Variants in GALNT17 observed in about 807,000 individuals in gnomAD.
GALNT17 encodes the protein polypeptide N-acetylgalactosaminyltransferase 17.
In GALNT17, 29 loss-of-function variants were observed where a neutral mutation model predicts 63.7. The ratio of observed to expected loss-of-function variants is 0.46; its 90% CI spans 0.34 to 0.62. GALNT17 has a LOEUF of 0.62. Among genes scored for constraint, GALNT17 ranks in the 20% least tolerant of loss-of-function variants. The probability of loss-of-function intolerance (pLI) is 0.01; values close to 1 mark genes in which losing one functional copy is unlikely to be tolerated. For missense variants in GALNT17, 603 were observed against 799.6 expected, an observed-to-expected ratio of 0.75 and a Z score of 2.97; for synonymous variants, 305 against 318.3, an observed-to-expected ratio of 0.96 and a Z score of 0.45.
chr7:71,326,727 C>G (rs142512981), intron 1 of GALNT17, among the ~76,000 whole-genome samples: 203 of 152,246 alleles, frequency 1.3e-3, no homozygotes, highest in Non-Finnish European at 2.7e-3. Flanking sequence ...TATGAGATGT[C>G]TACTTGCCCC....
intron 6 of GALNT17, among the ~76,000 whole-genome samples, chr7:71,624,392 C>T (rs961296796): frequency 6.6e-6 from 1 of 152,174 alleles, no homozygotes; most frequent in African/African-American, 2.4e-5. Flanking sequence ...GCTGTGAGGC[C>T]GGTGCGTTCA....
intron 2 of GALNT17, among the ~76,000 whole-genome samples, chr7:71,339,318 A>G (rs1485761451): frequency 6.6e-6 from 1 of 152,208 alleles, no homozygotes; most frequent in Non-Finnish European, 1.5e-5. Flanking sequence ...AGAGATTCAC[A>G]CAGCATGTGC....
intron 5 of GALNT17, among the ~76,000 whole-genome samples, chr7:71,562,278 T>G (rs2116856373): frequency 6.6e-6 from 1 of 152,318 alleles, no homozygotes; most frequent in South Asian, 2.1e-4. Flanking sequence ...GTCTCTGGTT[T>G]CTAGCTCCTT....
At chr7:71,384,454 T>G (rs752169695) in intron 2 of GALNT17, among the ~76,000 whole-genome samples, 7 of 152,150 alleles carry the variant, frequency 4.6e-5, no homozygotes, top group Non-Finnish European at 8.8e-5. Flanking sequence ...CAAGGTGGTG[T>G]TCTCTGACTC....
At chr7:71,402,938 C>T (rs560166712) in intron 3 of GALNT17, among the ~76,000 whole-genome samples, 6 of 152,178 alleles carry the variant, frequency 3.9e-5, no homozygotes, top group South Asian at 2.1e-4. Context: ...TGCCTTCCCC[C>T]CTGCCTGTAA....
chr7:71,419,678 G>A (rs2116448319), intron 4 of GALNT17, among the ~76,000 whole-genome samples: 1 of 152,274 alleles, frequency 6.6e-6, no homozygotes, highest in Admixed American at 6.5e-5. Flanking sequence ...TGGTGAGTGA[G>A]GTAGGAGAGA....
At chr7:71,369,067 G>T (rs1195613483) in intron 2 of GALNT17, among the ~76,000 whole-genome samples, 1 of 152,168 alleles carries the variant, frequency 6.6e-6, no homozygotes, top group African/African-American at 2.4e-5. Context: ...GATATCCTGG[G>T]AGGGGAATCA....
chr7:71,472,662 G>T (rs1427808152), intron 5 of GALNT17, among the ~76,000 whole-genome samples: 1 of 152,174 alleles, frequency 6.6e-6, no homozygotes, highest in Non-Finnish European at 1.5e-5. Flanking sequence ...CTCCAGCCTG[G>T]GGACAGAGTG....
At chr7:71,484,407 G>A (rs1178314775) in intron 5 of GALNT17, among the ~76,000 whole-genome samples, 1 of 152,138 alleles carries the variant, frequency 6.6e-6, no homozygotes, top group Non-Finnish European at 1.5e-5. Flanking sequence ...AGAATGGCTT[G>A]AACTCAGGAG....
intron 3 of GALNT17, among the ~76,000 whole-genome samples, chr7:71,397,885 G>A (rs752710419): frequency 1.4e-4 from 22 of 152,324 alleles, no homozygotes; most frequent in African/African-American, 4.6e-4. Flanking sequence ...TGATGGTGTC[G>A]TTGAGTTAGA....
At chr7:71,662,046 T>C (rs942413223) in intron 6 of GALNT17, among the ~76,000 whole-genome samples, 14 of 152,144 alleles carry the variant, frequency 9.2e-5, no homozygotes, top group Admixed American at 3.9e-4. Flanking sequence ...TCTTGGGAGT[T>C]TGGCTGCACC....
At chr7:71,603,279 A>G (rs1214038008) in intron 6 of GALNT17, among the ~76,000 whole-genome samples, 1 of 152,060 alleles carries the variant, frequency 6.6e-6, no homozygotes, top group Admixed American at 6.5e-5. Context: ...CTAAGTGCAT[A>G]CACTGGATAC....
intron 9 of GALNT17, among the ~76,000 whole-genome samples, chr7:71,687,430 A>G (rs915719462): frequency 2.0e-5 from 3 of 152,178 alleles, no homozygotes; most frequent in African/African-American, 7.2e-5. Context: ...AAAACACAGA[A>G]GTGAGTGACA....
At chr7:71,237,245 G>A (rs1583787071) in intron 1 of GALNT17, among the ~76,000 whole-genome samples, 1 of 152,190 alleles carries the variant, frequency 6.6e-6, no homozygotes. Context: ...CGGGGGAGTA[G>A]CTGACATTTG....
intron 4 of GALNT17, among the ~76,000 whole-genome samples, chr7:71,420,626 T>G (rs1161890188): frequency 6.6e-6 from 1 of 152,170 alleles, no homozygotes. Context: ...GACCCCATGT[T>G]CTGAACTCCT....
chr7:71,346,804 T>A (rs1792104834), intron 2 of GALNT17, among the ~76,000 whole-genome samples: 1 of 152,112 alleles, frequency 6.6e-6, no homozygotes, highest in African/African-American at 2.4e-5. Context: ...TTTCCTCTCT[T>A]GGTACTTTTC....
At chr7:71,160,499 C>G (rs918692877) in intron 1 of GALNT17, among the ~76,000 whole-genome samples, 2 of 152,134 alleles carry the variant, frequency 1.3e-5, no homozygotes, top group Admixed American at 1.3e-4. Context: ...GCTCTTGTTG[C>G]CTAGGCTGGA....
intron 9 of GALNT17, among the ~76,000 whole-genome samples, chr7:71,702,108 A>G (rs1243466641): frequency 2.0e-5 from 3 of 151,736 alleles, no homozygotes; most frequent in Non-Finnish European, 4.4e-5. Flanking sequence ...AATGGAAACA[A>G]TAGACACTGT....
intron 6 of GALNT17, among the ~76,000 whole-genome samples, chr7:71,654,684 GAAATCTTTA>G (rs1790801179): frequency 9.9e-6 from 1 of 101,012 alleles, no homozygotes; most frequent in South Asian, 4.4e-4. Flanking sequence ...AGACAGTGGT[GAAATCTTTA>G]ACTTCAGGTA....
Sources: gnomAD v4.1 joint callset for allele counts (sites outside exome capture counted in the v4.1 genomes callset) on GRCh38, gnomAD v4.1.1 for gene constraint, MANE v1.5 for transcripts, NCBI Gene and HGNC (gene_info 2026-07-23, HGNC 2026-07-21) for gene names.